ZNF407: variants seen among roughly 807,000 people sequenced by gnomAD.
The protein encoded by ZNF407 is zinc finger protein 407.
A neutral mutation model predicts 131.2 loss-of-function variants in ZNF407; 17 were observed. The observed-to-expected ratio is 0.13, with a 90% confidence interval of 0.09 to 0.19. The LOEUF is 0.19. ZNF407 is among the 10% of genes least tolerant of loss of function. The pLI is 1.00. For synonymous variants in ZNF407, 1,156 were observed against 1,062.0 expected (o/e 1.09, Z -1.72); for missense variants, 2,681 against 2,830.6 (o/e 0.95, Z 1.20).
intron 1 of ZNF407, among the ~76,000 whole-genome samples, chr18:74,611,172 A>C (rs1173211184): frequency 6.6e-6 from 1 of 152,226 alleles, no homozygotes; most frequent in Non-Finnish European, 1.5e-5. Flanking sequence ...AGGCAAAACT[A>C]TGAAACTTTC....
chr18:75,031,636 AG>A (rs1292168477), intron 8 of ZNF407, among the ~76,000 whole-genome samples: 3 of 152,248 alleles, frequency 2.0e-5, no homozygotes, highest in Admixed American at 6.5e-5. Context: ...ACATTTATCA[AG>A]AAACGAGTAT....
intron 4 of ZNF407, among the ~76,000 whole-genome samples, chr18:74,792,413 C>G (rs1036698175): frequency 6.7e-6 from 1 of 150,358 alleles, no homozygotes; most frequent in Non-Finnish European, 1.5e-5. Flanking sequence ...GTTTAGAATG[C>G]CTTTTCTCTT....
intron 4 of ZNF407, among the ~76,000 whole-genome samples, chr18:74,829,613 C>A (rs1393163362): frequency 1.3e-5 from 2 of 152,120 alleles, no homozygotes; most frequent in Non-Finnish European, 2.9e-5. Context: ...TGAAGGAAAT[C>A]TGCCCCAGGA....
intron 1 of ZNF407, among the ~76,000 whole-genome samples, chr18:74,624,493 C>G (rs796112267): frequency 7.2e-5 from 11 of 152,144 alleles, no homozygotes; most frequent in African/African-American, 2.7e-4. Flanking sequence ...AGTTCTGGAC[C>G]GTATTACTTA....
chr18:74,763,564 T>C (rs1321615942), intron 3 of ZNF407, among the ~76,000 whole-genome samples: 1 of 151,908 alleles, frequency 6.6e-6, no homozygotes, highest in Non-Finnish European at 1.5e-5. Flanking sequence ...TTTTAGGTAT[T>C]ATATTTACGG....
chr18:74,933,069 G>A lies in ZNF407; in HGVS notation c.5428+12377G>A, dbSNP rs1017031093. On this transcript the variant is annotated intron_variant, in intron 8 of 8. Coordinates refer to ENST00000299687, the MANE Select transcript of ZNF407 (RefSeq NM_017757.3). ...AGATATCCCAAATCATTGAAGGCAAGGTCTCAAACAGGTGTTTGTACACCC... is the reference window on the plus strand; with the variant it reads ...AGATATCCCAAATCATTGAAGGCAAAGTCTCAAACAGGTGTTTGTACACCC... Among the ~76,000 whole-genome samples the A allele has an allele frequency of 2.0e-5, 3 of 152,162 alleles. No individual in the cohort carries two copies. The East Asian group carries it at 5.8e-4, about 29-fold the overall frequency.
intron 3 of ZNF407, among the ~76,000 whole-genome samples, chr18:74,765,804 ACTGT>A (rs1185039388): frequency 2.0e-5 from 3 of 151,868 alleles, no homozygotes; most frequent in South Asian, 4.2e-4. Flanking sequence ...ACCTCGTTAC[ACTGT>A]CTGACAGCTG....
intron 3 of ZNF407, among the ~76,000 whole-genome samples, chr18:74,716,284 G>A (rs1388957417): frequency 6.6e-6 from 1 of 152,142 alleles, no homozygotes; most frequent in Non-Finnish European, 1.5e-5. Flanking sequence ...TTGCCTTATT[G>A]TGGGAATGTT....
At chr18:74,625,266 A>T (rs531817640) in intron 1 of ZNF407, among the ~76,000 whole-genome samples, 1 of 152,078 alleles carries the variant, frequency 6.6e-6, no homozygotes, top group Non-Finnish European at 1.5e-5. Context: ...TTTGCTTCTT[A>T]GTTGTCATTC....
rs535104081 is a variant in ZNF407 at position 74,881,189 on chromosome 18, G to C, written c.5128+70G>C. 4.4e-5 allele frequency: 60 copies of C among 1,351,394 alleles called. No individual in the cohort carries two copies. The African/African-American group carries it at 8.2e-4, about 19-fold the overall frequency. The allele number at this position is 1,351,394 out of a possible 1,614,324, so 83.7% of individuals were successfully genotyped here. A position where few individuals can be genotyped will look rare whatever the true frequency, so the allele number is the denominator to read the frequency against. Reference sequence around the variant, plus strand: ...GCAAGACACCCCAGCCTCAATTCTTGATGTCATCATTTACTTTCCTTTTTA... The same window carrying C: ...GCAAGACACCCCAGCCTCAATTCTTCATGTCATCATTTACTTTCCTTTTTA... On this transcript the variant is annotated intron_variant, in intron 6 of 8. Coordinates refer to ENST00000299687, the MANE Select transcript of ZNF407 (RefSeq NM_017757.3).
chr18:74,780,343 A>T (rs1969574377), intron 3 of ZNF407, among the ~76,000 whole-genome samples: 1 of 152,192 alleles, frequency 6.6e-6, no homozygotes, highest in Admixed American at 6.5e-5. Context: ...TTTTGTCACA[A>T]GTCTTTTCTG....
chr18:74,979,548 T>C (rs1446514870), intron 8 of ZNF407, among the ~76,000 whole-genome samples: 4 of 152,176 alleles, frequency 2.6e-5, no homozygotes, highest in Non-Finnish European at 4.4e-5. Context: ...CACCTCGGCC[T>C]CCCAAAGTGC....
At chr18:74,622,384 C>G (rs532141984) in intron 1 of ZNF407, among the ~76,000 whole-genome samples, 1 of 152,354 alleles carries the variant, frequency 6.6e-6, no homozygotes, top group Admixed American at 6.5e-5. Flanking sequence ...CTTGCGCAGC[C>G]ATTGCCCTTG....
chr18:74,952,845 A>G lies in ZNF407; in HGVS notation c.5428+32153A>G, dbSNP rs75005777. On this transcript the variant is annotated intron_variant, in intron 8 of 8. Coordinates refer to ENST00000299687, the MANE Select transcript of ZNF407 (RefSeq NM_017757.3). ...AATGGCAGATATCTGAATGAAGGGA[A>G]GGCCAGGGCCGTGAAAATGTGTTGG... is the stretch of plus-strand genomic sequence containing the variant. Among the ~76,000 whole-genome samples, 425 of 152,330 alleles carry G rather than the reference A, an allele frequency of 2.8e-3. 2 individuals are homozygous for G. The highest frequency in any genetic ancestry group is 9.4e-3 in the African/African-American group (389 of 41,568).
chr18:74,754,262 C>A (rs936555455), intron 3 of ZNF407, among the ~76,000 whole-genome samples: 3 of 152,018 alleles, frequency 2.0e-5, no homozygotes, highest in Admixed American at 2.0e-4. Flanking sequence ...GTCTTGCTAG[C>A]GGTCTATCAA....
chr18:74,785,611 G>A (rs1189124335), intron 4 of ZNF407, among the ~76,000 whole-genome samples: 1 of 152,086 alleles, frequency 6.6e-6, no homozygotes, highest in African/African-American at 2.4e-5. Flanking sequence ...TCAAAAACTT[G>A]CATATTTATA....
At chr18:74,727,529 C>T (rs1023233784) in intron 3 of ZNF407, among the ~76,000 whole-genome samples, 1 of 152,186 alleles carries the variant, frequency 6.6e-6, no homozygotes, top group Non-Finnish European at 1.5e-5. Flanking sequence ...TCTGGCAGCA[C>T]AGGTGCGTGT....
At chr18:74,865,360 A>G (rs1203595424) in intron 4 of ZNF407, among the ~76,000 whole-genome samples, 1 of 152,166 alleles carries the variant, frequency 6.6e-6, no homozygotes, top group East Asian at 1.9e-4. Flanking sequence ...TTTAACTTTC[A>G]TTTTTATTCT....
intron 8 of ZNF407, among the ~76,000 whole-genome samples, chr18:74,971,201 G>C (rs1972468434): frequency 6.6e-6 from 1 of 152,212 alleles, no homozygotes; most frequent in African/African-American, 2.4e-5. Context: ...GCCTGTGATG[G>C]GAAGGGCTGC....
Sources: gnomAD v4.1 joint callset for allele counts (sites outside exome capture counted in the v4.1 genomes callset) on GRCh38, gnomAD v4.1.1 for gene constraint, MANE v1.5 for transcripts, NCBI Gene and HGNC (gene_info 2026-07-23, HGNC 2026-07-21) for gene names.